SH3GL3: variants seen among roughly 807,000 people sequenced by gnomAD.
SH3GL3 encodes the protein SH3 domain containing GRB2 like 3, endophilin A3, also known as endophilin-A3.
A neutral mutation model predicts 47.7 loss-of-function variants in SH3GL3; 33 were observed. The observed-to-expected ratio is 0.69, with a 90% confidence interval of 0.52 to 0.92. The LOEUF is 0.92. Among genes scored for constraint, SH3GL3 ranks in the 40% least tolerant of loss-of-function variants. The probability of loss-of-function intolerance (pLI) is 0.00; values close to 1 mark genes in which losing one functional copy is unlikely to be tolerated. For missense variants in SH3GL3, 363 were observed against 417.8 expected (o/e 0.87, Z 1.14); for synonymous variants, 155 against 148.8 (o/e 1.04, Z -0.30).
At chr15:83,512,394 T>C (rs11630545) in intron 1 of SH3GL3, among the ~76,000 whole-genome samples, 39,944 of 152,106 alleles carry the variant, frequency 0.26, 5,605 homozygotes, top group Admixed American at 0.34. Context: ...GTCTGGGTAG[T>C]TTTCATTTCG....
At chr15:83,533,864 A>T (rs1281048282) in intron 1 of SH3GL3, among the ~76,000 whole-genome samples, 2 of 152,148 alleles carry the variant, frequency 1.3e-5, no homozygotes, top group Non-Finnish European at 2.9e-5. Context: ...TTGCTGAGCC[A>T]ATTTGTCTTC....
At chr15:83,507,581 A>G (rs887533042) in intron 1 of SH3GL3, among the ~76,000 whole-genome samples, 1 of 151,488 alleles carries the variant, frequency 6.6e-6, no homozygotes, top group Non-Finnish European at 1.5e-5. Flanking sequence ...CGCCTGGCTA[A>G]TTTTTGTAGT....
intron 5 of SH3GL3, among the ~76,000 whole-genome samples, chr15:83,575,163 G>C (rs1403209597): frequency 6.6e-6 from 1 of 152,076 alleles, no homozygotes; most frequent in African/African-American, 2.4e-5. Flanking sequence ...TGACAGTCTG[G>C]GTTCTGGGGA....
chr15:83,590,857 G>A (rs955725842), intron 8 of SH3GL3, among the ~76,000 whole-genome samples: 15 of 151,902 alleles, frequency 9.9e-5, no homozygotes, highest in Admixed American at 3.3e-4. Context: ...ATATTCTCTC[G>A]CTCTGTAGCT....
intron 1 of SH3GL3, among the ~76,000 whole-genome samples, chr15:83,523,577 AT>A (rs1159211608): frequency 1.3e-5 from 2 of 152,218 alleles, no homozygotes; most frequent in East Asian, 3.8e-4. Context: ...ATTAGTTCAC[AT>A]TAGCAGTTTT....
intron 8 of SH3GL3, among the ~76,000 whole-genome samples, chr15:83,603,522 G>GCTGA (rs1193196783): frequency 1.3e-5 from 2 of 152,184 alleles, no homozygotes; most frequent in Non-Finnish European, 2.9e-5. Flanking sequence ...TTGCCACACA[G>GCTGA]CTGAGTTCCT....
intron 8 of SH3GL3, among the ~76,000 whole-genome samples, chr15:83,590,756 T>G (rs1184864932): frequency 6.6e-6 from 1 of 152,250 alleles, no homozygotes; most frequent in Non-Finnish European, 1.5e-5. Context: ...GTCCATTTTC[T>G]AATTGGATTG....
chr15:83,571,180 C>T (rs1262226174), intron 4 of SH3GL3, among the ~76,000 whole-genome samples: 10 of 152,188 alleles, frequency 6.6e-5, no homozygotes, highest in Admixed American at 2.0e-4. Flanking sequence ...AATTCGACAG[C>T]GCCAGTCTCA....
intron 1 of SH3GL3, among the ~76,000 whole-genome samples, chr15:83,557,189 C>A (rs928013193): frequency 2.0e-5 from 3 of 152,204 alleles, no homozygotes; most frequent in African/African-American, 7.2e-5. Context: ...CCACTCCCCA[C>A]CCCAGGAGAG....
At position 83,450,369 on chromosome 15, in the gene SH3GL3, C is replaced by T. The variant is rs1301341724; in HGVS notation, c.45+2791C>T. Among the ~76,000 whole-genome samples, 8 of 152,084 alleles carry T rather than the reference C, an allele frequency of 5.3e-5. No individual in the cohort carries two copies. In the East Asian group the frequency reaches 1.5e-3, roughly 29 times the overall value. On this transcript the variant is annotated intron_variant, in intron 1 of 8. Transcript: ENST00000427482. The stretch of plus-strand genomic sequence containing the variant: ...AAATTCTTAAGTAAGTTAAGCATTT[C>T]AGAGTAAGACAAAGATGATAAAGTG...
chr15:83,605,535 A>G lies in SH3GL3; in HGVS notation c.839-12547A>G, dbSNP rs368107969. ...AATGAATTCCAAGAACATTTTCTTCATCATTTCTTCTTTCTAAAGAAAAAA... is the reference window on the plus strand; with the variant it reads ...AATGAATTCCAAGAACATTTTCTTCGTCATTTCTTCTTTCTAAAGAAAAAA... On this transcript the variant is annotated intron_variant, in intron 8 of 8. Transcript: ENST00000427482. 1.4e-4 allele frequency among the ~76,000 whole-genome samples: 20 copies of G among 142,730 alleles called. 2 individuals are homozygous for G. The highest frequency in any genetic ancestry group is 6.1e-4 in the African/African-American group (20 of 32,690). The allele number at this position is 142,730 out of a possible 152,430, so 93.6% of individuals were successfully genotyped here. A position where few individuals can be genotyped will look rare whatever the true frequency, so the allele number is the denominator to read the frequency against.
chr15:83,464,788 A>ATGAT (rs2040484188), intron 1 of SH3GL3, among the ~76,000 whole-genome samples: 1 of 151,954 alleles, frequency 6.6e-6, no homozygotes, highest in Non-Finnish European at 1.5e-5. Context: ...TCTTGCCCCC[A>ATGAT]TGATTGTAGT....
At chr15:83,527,699 G>C (rs1445161721) in intron 1 of SH3GL3, among the ~76,000 whole-genome samples, 2 of 151,978 alleles carry the variant, frequency 1.3e-5, no homozygotes, top group Non-Finnish European at 2.9e-5. Flanking sequence ...TATTTACTCT[G>C]TTTACTTTCA....
intron 1 of SH3GL3, among the ~76,000 whole-genome samples, chr15:83,517,603 G>T (rs1490183402): frequency 2.6e-5 from 4 of 152,042 alleles, no homozygotes; most frequent in Non-Finnish European, 5.9e-5. Flanking sequence ...GTTGTGAAAG[G>T]TCTGCCCAAC....
At chr15:83,608,653 C>T (rs992407603) in intron 8 of SH3GL3, among the ~76,000 whole-genome samples, 3 of 152,248 alleles carry the variant, frequency 2.0e-5, no homozygotes, top group Non-Finnish European at 4.4e-5. Flanking sequence ...ATGCTCCTGG[C>T]TCCATGCTTT....
chr15:83,609,381 A>G (rs2060606814), intron 8 of SH3GL3: 1 of 448,152 alleles, frequency 2.2e-6, no homozygotes, highest in Non-Finnish European at 4.5e-6. Flanking sequence ...GGGAGGCAAG[A>G]GAAAAACTAT....
At chr15:83,530,591 TC>T (rs2151675013) in intron 1 of SH3GL3, among the ~76,000 whole-genome samples, 1 of 151,938 alleles carries the variant, frequency 6.6e-6, no homozygotes, top group South Asian at 2.1e-4. Flanking sequence ...ATTTTGAACC[TC>T]CCCGGCCCCT....
chr15:83,541,975 T>C (rs1007947416), intron 1 of SH3GL3, among the ~76,000 whole-genome samples: 1 of 152,208 alleles, frequency 6.6e-6, no homozygotes, highest in South Asian at 2.1e-4. Context: ...TAACTTGATA[T>C]GATCCCATCT....
intron 2 of SH3GL3, among the ~76,000 whole-genome samples, chr15:83,561,017 G>C (rs1288478210): frequency 6.6e-6 from 1 of 151,996 alleles, no homozygotes; most frequent in Non-Finnish European, 1.5e-5. Context: ...GAAATACATA[G>C]ACAGTTGATA....
Sources: allele counts gnomAD v4.1 joint callset (sites outside exome capture counted in the v4.1 genomes callset), GRCh38; gene constraint gnomAD v4.1.1; transcripts MANE v1.5; gene names NCBI Gene and HGNC (gene_info 2026-07-23, HGNC 2026-07-21).